DLEC1: variants seen among roughly 807,000 people sequenced by gnomAD.
DLEC1 encodes the protein deleted in lung and esophageal cancer protein 1.
DLEC1 carries 146 observed loss-of-function variants against 198.1 expected under a neutral mutation model. That is an observed-to-expected ratio of 0.74 (90% confidence interval 0.64 to 0.85). The LOEUF (loss-of-function observed/expected upper bound fraction) is 0.85, where lower values mean the gene tolerates loss of function less well. Ranked by LOEUF, DLEC1 falls within the 40% of genes least tolerant of loss-of-function variation. DLEC1 has a pLI of 0.00. For synonymous variants in DLEC1, 897 were observed against 866.8 expected (o/e 1.03, Z -0.61); for missense variants, 2,233 against 2,220.0 (o/e 1.01, Z -0.12).
chr3:38,080,802 CT>C (rs76282097), intron 6 of DLEC1, among the ~76,000 whole-genome samples: 17,032 of 112,746 alleles, frequency 0.15, 1,200 homozygotes, highest in African/African-American at 0.17. Flanking sequence ...TTCGGGTGTT[CT>C]TTTTTTTTTT....
chr3:38,062,730 C>T lies in DLEC1; in HGVS notation c.1023C>T (p.Gly341=). ...RFFPPNTRYG[G]KSLVFPPKKP... is the part of the protein sequence containing the mutation. ...TTCCTCCTAACACTCGATATGGAGGCAAGTCTCTTGTTTTTCCTCCAAAGA... is the reference window on the plus strand; with the variant it reads ...TTCCTCCTAACACTCGATATGGAGGTAAGTCTCTTGTTTTTCCTCCAAAGA... Residue 341 remains glycine (G), a synonymous_variant, in exon 5 of 37, where the codon GGC becomes GGT. Transcript: ENST00000308059. 6.2e-7 allele frequency: 1 copy of T among 1,614,086 alleles called. No individual in the cohort carries two copies. The highest frequency in any genetic ancestry group is 8.5e-7 in the Non-Finnish European group (1 of 1,180,002).
chr3:38,089,482 C>T (rs972993919), intron 10 of DLEC1, among the ~76,000 whole-genome samples: 1 of 152,198 alleles, frequency 6.6e-6, no homozygotes, highest in African/African-American at 2.4e-5. Context: ...TGTCCCTGCT[C>T]ATCTGATCCC....
intron 9 of DLEC1, among the ~76,000 whole-genome samples, chr3:38,087,336 C>T (rs1251316913): frequency 7.5e-6 from 1 of 134,072 alleles, no homozygotes; most frequent in African/African-American, 2.6e-5. Context: ...TCAGCATGCT[C>T]ACACCATCCA....
rs1176717296 is a variant in DLEC1, at chr3:38,093,684, C to G, written c.1836C>G (p.Asp612Glu). The G allele has an allele frequency of 1.9e-6, 3 of 1,614,128 alleles. No homozygotes were observed. Among genetic ancestry groups the G allele is most frequent in the Non-Finnish European group, 2.5e-6 (3 of 1,180,060 alleles). Residue 612 changes from aspartate (D) to glutamate (E), a missense_variant, in exon 12 of 37, where the codon GAC becomes GAG. Transcript: ENST00000308059. ...KSQPDPGELTDLTAQHFIRFE... is the reference protein window; with the variant it reads ...KSQPDPGELTELTAQHFIRFE... The stretch of plus-strand genomic sequence containing the variant: ...AGCCAGACCCTGGAGAGCTCACAGA[C>G]TTAACAGCCCAGCACTTCATACGAT...
At chr3:38,110,745 G>T (rs923852844) in intron 23 of DLEC1, among the ~76,000 whole-genome samples, 4 of 151,908 alleles carry the variant, frequency 2.6e-5, no homozygotes, top group African/African-American at 9.7e-5. Context: ...AAGGACAGAG[G>T]CAAGATCTAG....
intron 6 of DLEC1, among the ~76,000 whole-genome samples, chr3:38,080,574 A>G (rs13318763): frequency 0.42 from 64,214 of 151,862 alleles, 14,205 homozygotes; most frequent in East Asian, 0.58. Context: ...GCCGTTTTCC[A>G]GCTATTTGGA....
chr3:38,090,809 C>A (rs55678934), intron 10 of DLEC1, among the ~76,000 whole-genome samples: 1 of 152,008 alleles, frequency 6.6e-6, no homozygotes, highest in Non-Finnish European at 1.5e-5. Context: ...TGTTCATGGA[C>A]GTTGTATATA....
intron 6 of DLEC1, among the ~76,000 whole-genome samples, chr3:38,069,767 C>T (rs550637631): frequency 6.6e-6 from 1 of 152,352 alleles, no homozygotes; most frequent in East Asian, 1.9e-4. Flanking sequence ...GTAATTGTGA[C>T]AATACCATCC....
intron 3 of DLEC1, among the ~76,000 whole-genome samples, chr3:38,060,238 C>A (rs539305971): frequency 9.2e-5 from 14 of 152,312 alleles, no homozygotes; most frequent in African/African-American, 3.4e-4. Flanking sequence ...AGGAAAAGAG[C>A]AGCTTCTCAT....
chr3:38,093,526 G>A (rs927467474), intron 11 of DLEC1, 79 bp from the exon 12 acceptor site: 20 of 1,543,008 alleles, frequency 1.3e-5, no homozygotes, highest in Middle Eastern at 1.7e-4. Context: ...TGTGGATGGC[G>A]GCATGGGTCC....
chr3:38,119,363 C>T (rs535488584), intron 33 of DLEC1, among the ~76,000 whole-genome samples: 2 of 152,186 alleles, frequency 1.3e-5, no homozygotes, highest in South Asian at 4.2e-4. Context: ...AATACCAACC[C>T]CAGCCCCCTT....
Position 38,122,483 on chromosome 3 carries a change from C to T in DLEC1, c.*71C>T, listed in dbSNP as rs568570106. The stretch of plus-strand genomic sequence containing the variant: ...CATTGCCCAGGGATTAGGAGCAGCT[C>T]TTCAGCACAAAGACACAGACTTGGG... On this transcript the variant is annotated 3_prime_UTR_variant, in exon 37 of 37. Transcript: ENST00000308059. The T allele has an allele frequency of 6.2e-7, 1 of 1,613,324 alleles. No homozygotes were observed. The highest frequency in any genetic ancestry group is 1.3e-5 in the African/African-American group (1 of 74,930).
Position 38,053,678 on chromosome 3 carries a change from A to G in DLEC1, c.563-6064A>G, listed in dbSNP as rs564293345. Among the ~76,000 whole-genome samples the G allele has an allele frequency of 1.3e-3, 199 of 151,468 alleles. 2 individuals carry two copies. Among genetic ancestry groups the G allele is most frequent in the African/African-American group, 4.4e-3 (180 of 41,170 alleles). ...TGAGGAGCCCCTCTGCCCAGCGGCC[A>G]CCCCGTCTGGGAGGTGTACCCAACA... On this transcript the variant is annotated intron_variant, in intron 2 of 36. Coordinates refer to ENST00000308059, the MANE Select transcript of DLEC1 (RefSeq NM_007335.4).
At chr3:38,077,886 A>C (rs1378572974) in intron 6 of DLEC1, among the ~76,000 whole-genome samples, 1 of 152,206 alleles carries the variant, frequency 6.6e-6, no homozygotes, top group Non-Finnish European at 1.5e-5. Context: ...CAGATGGAAC[A>C]CTGAGAAGTT....
chr3:38,118,809 G>A (rs1011335434), intron 33 of DLEC1, among the ~76,000 whole-genome samples: 16 of 152,028 alleles, frequency 1.1e-4, no homozygotes, highest in Admixed American at 2.6e-4. Context: ...ACATTTCTGG[G>A]TTGTCTCATC....
chr3:38,052,999 C>T (rs1360891218), intron 2 of DLEC1, among the ~76,000 whole-genome samples: 1 of 152,234 alleles, frequency 6.6e-6, no homozygotes, highest in East Asian at 1.9e-4. Context: ...GCTGTGTTGG[C>T]CGGGCTGGTC....
At position 38,088,305 on chromosome 3, in the gene DLEC1, A is replaced by G. The variant is rs1283517654; in HGVS notation, c.1582A>G (p.Thr528Ala). 1 of 1,613,978 alleles carries G rather than the reference A, an allele frequency of 6.2e-7. No homozygotes were observed. The highest frequency in any genetic ancestry group is 1.1e-5 in the South Asian group (1 of 91,080). Reference protein sequence around the residue: ...WPPLSFKAIATVGFVEQPPFG... With the variant: ...WPPLSFKAIAAVGFVEQPPFG... The stretch of plus-strand genomic sequence containing the variant: ...TCTGCTTTTCTTTAAGGCCATTGCA[A>G]CCGTCGGCTTTGTTGAACAACCTCC... The change falls in exon 10 of 37, where the codon ACC (threonine) becomes GCC (alanine). Residue 528 changes from threonine to alanine, a missense_variant. Coordinates refer to ENST00000308059, the MANE Select transcript of DLEC1 (RefSeq NM_007335.4).
chr3:38,067,287 A>G (rs1697076895), intron 6 of DLEC1, among the ~76,000 whole-genome samples: 1 of 152,208 alleles, frequency 6.6e-6, no homozygotes, highest in Non-Finnish European at 1.5e-5. Flanking sequence ...GAAACCTCCC[A>G]GGGAACATGC....
At chr3:38,094,328 G>A (rs1183514661) in intron 12 of DLEC1, among the ~76,000 whole-genome samples, 1 of 152,168 alleles carries the variant, frequency 6.6e-6, no homozygotes, top group Non-Finnish European at 1.5e-5. Context: ...CATTACACAG[G>A]ACTCTGTCAT....
Sources: allele counts gnomAD v4.1 joint callset (sites outside exome capture counted in the v4.1 genomes callset), GRCh38; gene constraint gnomAD v4.1.1; transcripts MANE v1.5; gene names NCBI Gene and HGNC (gene_info 2026-07-23, HGNC 2026-07-21).